CCDC178: variants seen among roughly 807,000 people sequenced by gnomAD.
The protein encoded by CCDC178 is coiled-coil domain-containing protein 178.
Under a neutral mutation model 117.4 loss-of-function variants are expected in CCDC178, and 126 were observed. That is an observed-to-expected ratio of 1.07 (90% confidence interval 0.93 to 1.24). The LOEUF is 1.24. Ranked by LOEUF, CCDC178 falls within the 50% of genes most tolerant of loss-of-function variation. The probability of loss-of-function intolerance (pLI) is 0.00; values close to 1 mark genes in which losing one functional copy is unlikely to be tolerated. For missense variants in CCDC178, 1,030 were observed against 986.9 expected, an observed-to-expected ratio of 1.04 and a Z score of -0.59; for synonymous variants, 283 against 313.4, an observed-to-expected ratio of 0.90 and a Z score of 1.02.
At chr18:33,198,027 T>G (rs1446853569) in intron 20 of CCDC178, among the ~76,000 whole-genome samples, 1 of 152,180 alleles carries the variant, frequency 6.6e-6, no homozygotes, top group Non-Finnish European at 1.5e-5. Flanking sequence ...TGCAGCTCCC[T>G]CAGGAAGTCA....
At position 33,370,964 on chromosome 18, in the gene CCDC178, T is replaced by C. The variant is rs542802537; in HGVS notation, c.209-775A>G. Among the ~76,000 whole-genome samples the C allele has an allele frequency of 5.9e-5, 9 of 152,156 alleles. No individual in the cohort carries two copies. In the East Asian group the frequency reaches 1.7e-3, roughly 29 times the overall value. ...GGACTCTATTGGGCTGGATTATAGT[T>C]GCAATCACTGATCTTAAATGGGAGA... On this transcript the variant is annotated intron_variant, in intron 5 of 22. Coordinates refer to ENST00000383096, the MANE Select transcript of CCDC178 (RefSeq NM_001105528.4).
chr18:33,397,093 A>G, intron 4 of CCDC178, 56 bp downstream of exon 4: 1 of 1,148,746 alleles, frequency 8.7e-7, no homozygotes, highest in South Asian at 1.4e-5. Flanking sequence ...TTTTGAAAAC[A>G]ATTAATATGT....
rs368357569 is a variant in CCDC178, at chr18:33,376,706, G to C, written c.209-6517C>G. ...TTATAAGTGAGAACGTGAAATATTT[G>C]GTTTTCTGTTCCTGTGCTAACCTAC... On this transcript the variant is annotated intron_variant, in intron 5 of 22. Transcript: ENST00000383096. Among the ~76,000 whole-genome samples, 15 of 152,216 alleles carry C rather than the reference G, an allele frequency of 9.9e-5. No homozygotes were observed. In the East Asian group the frequency reaches 1.9e-3, roughly 20 times the overall value.
chr18:33,034,982 C>T (rs1040256490), intron 21 of CCDC178, among the ~76,000 whole-genome samples: 1 of 151,778 alleles, frequency 6.6e-6, no homozygotes, highest in African/African-American at 2.4e-5. Flanking sequence ...TTATTCCTAA[C>T]ACTCAAGGAC....
chr18:33,344,619 CAATT>C (rs5823892), intron 9 of CCDC178, among the ~76,000 whole-genome samples: 37,813 of 151,646 alleles, frequency 0.25, 4,950 homozygotes, highest in East Asian at 0.48. Context: ...TATCAGCAAA[CAATT>C]AAATAAAACC....
intron 21 of CCDC178, among the ~76,000 whole-genome samples, chr18:33,064,052 A>G (rs1296107461): frequency 6.6e-6 from 1 of 152,194 alleles, no homozygotes; most frequent in Non-Finnish European, 1.5e-5. Flanking sequence ...ATGAATACCA[A>G]TCCATAAATT....
chr18:33,215,599 C>T lies in CCDC178; in HGVS notation c.2029G>A (p.Ala677Thr), dbSNP rs765918268. 1.3e-6 allele frequency: 2 copies of T among 1,504,720 alleles called. No homozygotes were observed. Among genetic ancestry groups the T allele is most frequent in the South Asian group, 2.6e-5 (2 of 75,906 alleles). 93.2% of individuals were successfully genotyped at this position (1,504,720 alleles called of 1,614,324 possible). Reference sequence around the variant, plus strand: ...AAACTTTTCTTTTCTTCTTCTTTTGCTTTTAATTCCTCATTCAATTCATTT... The same window carrying T: ...AAACTTTTCTTTTCTTCTTCTTTTGTTTTTAATTCCTCATTCAATTCATTT... ...KINELNEELK[A>T]KEEEKKSFDQ... The change falls in exon 19 of 23, where the codon GCA becomes ACA. Residue 677 changes from alanine (A) to threonine (T), a missense_variant. Coordinates refer to ENST00000383096, the MANE Select transcript of CCDC178 (RefSeq NM_001105528.4).
intron 20 of CCDC178, among the ~76,000 whole-genome samples, chr18:33,155,704 A>T (rs558381753): frequency 2.7e-4 from 41 of 152,304 alleles, no homozygotes; most frequent in African/African-American, 9.6e-4. Context: ...GACTTTTCTT[A>T]TAAGAGCTTA....
intron 6 of CCDC178, among the ~76,000 whole-genome samples, chr18:33,364,654 G>A (rs2063174871): frequency 6.7e-6 from 1 of 150,272 alleles, no homozygotes; most frequent in Non-Finnish European, 1.5e-5. Flanking sequence ...GTGGGTGGGG[G>A]ACAAAAAGAA....
At chr18:33,365,406 C>G (rs1012112115) in intron 6 of CCDC178, among the ~76,000 whole-genome samples, 4 of 152,036 alleles carry the variant, frequency 2.6e-5, no homozygotes, top group African/African-American at 9.7e-5. Flanking sequence ...GTGCTTAGAG[C>G]TCGGATACAC....
chr18:32,999,626 T>C (rs996597691), intron 21 of CCDC178, among the ~76,000 whole-genome samples: 8 of 152,102 alleles, frequency 5.3e-5, no homozygotes, highest in African/African-American at 1.4e-4. Flanking sequence ...TCCAGCTCCA[T>C]GCAGCTCAGC....
intron 21 of CCDC178, among the ~76,000 whole-genome samples, chr18:32,979,536 G>C (rs2055103246): frequency 6.6e-6 from 1 of 152,008 alleles, no homozygotes; most frequent in Admixed American, 6.5e-5. Flanking sequence ...AAAATGAAAG[G>C]TACTTAGGTT....
chr18:33,339,127 A>G (rs2144651970), intron 9 of CCDC178, among the ~76,000 whole-genome samples: 1 of 152,224 alleles, frequency 6.6e-6, no homozygotes, highest in South Asian at 2.1e-4. Flanking sequence ...ACAGCTTTTA[A>G]CTGATAATTC....
chr18:33,371,304 T>C (rs1392116049), intron 5 of CCDC178, among the ~76,000 whole-genome samples: 1 of 151,942 alleles, frequency 6.6e-6, no homozygotes, highest in South Asian at 2.1e-4. Flanking sequence ...TGTATATATA[T>C]ATAAATGACC....
chr18:33,009,923 T>A (rs192274873), intron 21 of CCDC178, among the ~76,000 whole-genome samples: 1 of 152,124 alleles, frequency 6.6e-6, no homozygotes, highest in East Asian at 1.9e-4. Flanking sequence ...TGACAGAAAT[T>A]TTGAGTAATC....
intron 20 of CCDC178, among the ~76,000 whole-genome samples, chr18:33,140,555 C>T (rs1352033257): frequency 6.6e-6 from 1 of 152,160 alleles, no homozygotes; most frequent in Non-Finnish European, 1.5e-5. Context: ...GAATTTCAGA[C>T]TTGCATGGGA....
intron 20 of CCDC178, among the ~76,000 whole-genome samples, chr18:33,151,954 T>A (rs909955481): frequency 4.6e-5 from 7 of 152,096 alleles, no homozygotes; most frequent in Admixed American, 2.0e-4. Context: ...GAGAGCAGAT[T>A]AAAAAGAAAT....
At chr18:33,148,305 TC>T (rs2058297310) in intron 20 of CCDC178, among the ~76,000 whole-genome samples, 1 of 152,044 alleles carries the variant, frequency 6.6e-6, no homozygotes, top group African/African-American at 2.4e-5. Context: ...GTGCCTGCAA[TC>T]CCAGGCACTC....
At chr18:33,347,557 C>A (rs773395020) in intron 8 of CCDC178, among the ~76,000 whole-genome samples, 5 of 152,014 alleles carry the variant, frequency 3.3e-5, no homozygotes, top group Non-Finnish European at 7.4e-5. Context: ...CAAATTCTAC[C>A]ACATCTTGGA....
Sources: allele counts gnomAD v4.1 joint callset (sites outside exome capture counted in the v4.1 genomes callset), GRCh38; gene constraint gnomAD v4.1.1; transcripts MANE v1.5; gene names NCBI Gene and HGNC (gene_info 2026-07-23, HGNC 2026-07-21).